ZNF529: variants seen among roughly 807,000 people sequenced by gnomAD.
ZNF529 encodes zinc finger protein 529.
Under a neutral mutation model 10.1 loss-of-function variants are expected in ZNF529, and 11 were observed. The ratio of observed to expected loss-of-function variants is 1.09; its 90% CI spans 0.69 to 1.81. ZNF529 has a LOEUF of 1.81. ZNF529 is among the 40% of genes most tolerant of loss of function. The probability of loss-of-function intolerance (pLI) is 0.00; values close to 1 mark genes in which losing one functional copy is unlikely to be tolerated. For missense variants in ZNF529, 624 were observed against 666.8 expected (o/e 0.94, Z 0.71); for synonymous variants, 204 against 215.7 (o/e 0.95, Z 0.47).
chr19:36,588,605 G>T (rs1415873200), intron 2 of ZNF529, among the ~76,000 whole-genome samples: 2 of 152,102 alleles, frequency 1.3e-5, no homozygotes, highest in Admixed American at 1.3e-4. Flanking sequence ...ATGACCCCCA[G>T]CACTGTGAAA....
rs1449754753 is a variant in ZNF529 at position 36,547,833 on chromosome 19, A to G, written c.725T>C (p.Phe242Ser). 1 of 1,610,496 alleles carries G rather than the reference A, an allele frequency of 6.2e-7. No individual in the cohort carries two copies. Among genetic ancestry groups the G allele is most frequent in the South Asian group, 1.1e-5 (1 of 90,640 alleles). The part of the protein sequence containing the change: ...YGNTCSFYKD[F>S]NVYQKIHNEK... ...ATTATGAATTTTCTGGTATACATTA[A>G]AGTCTTTATAAAAACTACATGTATT... The change falls in exon 5 of 5, where the codon TTT becomes TCT. Residue 242 changes from phenylalanine to serine, a missense_variant. Coordinates refer to ENST00000591340, the MANE Select transcript of ZNF529 (RefSeq NM_020951.5).
At chr19:36,603,218 G>C (rs189557803) in intron 1 of ZNF529, among the ~76,000 whole-genome samples, 223 of 152,240 alleles carry the variant, frequency 1.5e-3, no homozygotes, top group Admixed American at 3.9e-3. Context: ...GGTCTCCTCC[G>C]TAACAAATCA....
chr19:36,565,738 T>G (rs1021265423), intron 2 of ZNF529, among the ~76,000 whole-genome samples: 1 of 152,052 alleles, frequency 6.6e-6, no homozygotes, highest in Non-Finnish European at 1.5e-5. Flanking sequence ...TAAAGGTACC[T>G]AAATAGGCAA....
In ZNF529 at chr19:36,546,046, TGTG is replaced by T. The variant is rs1387558187; in HGVS notation, c.*817_*819del. On this transcript the variant is annotated 3_prime_UTR_variant, in exon 5 of 5. Coordinates refer to ENST00000591340, the MANE Select transcript of ZNF529 (RefSeq NM_020951.5). ...GTGTATATACTATATATACATATATTGTGTGTGTGTGTGTGTATATATATATAT... is the reference window on the plus strand; with the variant it reads ...GTGTATATACTATATATACATATATTTGTGTGTGTGTGTATATATATATAT... 8.7e-6 allele frequency: 1 copy of T among 115,228 alleles called. No homozygotes were observed. Among genetic ancestry groups the T allele is most frequent in the East Asian group, 2.3e-4 (1 of 4,396 alleles). 7.1% of individuals were successfully genotyped at this position (115,228 alleles called of 1,614,324 possible). A position where few individuals can be genotyped will look rare whatever the true frequency, so the allele number is the denominator to read the frequency against.
chr19:36,554,379 C>G (rs2035377426), intron 4 of ZNF529, among the ~76,000 whole-genome samples: 1 of 152,138 alleles, frequency 6.6e-6, no homozygotes, highest in Non-Finnish European at 1.5e-5. Flanking sequence ...GAGTTCAAGA[C>G]CAGCCTGGCC....
intron 2 of ZNF529, among the ~76,000 whole-genome samples, chr19:36,566,501 A>G (rs2035902079): frequency 6.6e-6 from 1 of 151,922 alleles, no homozygotes; most frequent in African/African-American, 2.4e-5. Context: ...CAGCTTGGCC[A>G]ACATGGTGAA....
At chr19:36,592,454 C>T (rs1394737562) in intron 1 of ZNF529, among the ~76,000 whole-genome samples, 1 of 151,398 alleles carries the variant, frequency 6.6e-6, no homozygotes, top group East Asian at 1.9e-4. Context: ...ACTAGCTGGG[C>T]ATGGTGACAC....
At chr19:36,601,428 T>C (rs2967430) in intron 1 of ZNF529, among the ~76,000 whole-genome samples, 5,904 of 152,082 alleles carry the variant, frequency 0.039, 373 homozygotes, top group African/African-American at 0.14. Flanking sequence ...TAATTACAAC[T>C]GTATTCCTAG....
intron 2 of ZNF529, among the ~76,000 whole-genome samples, chr19:36,583,178 C>G (rs1195425011): frequency 6.6e-6 from 1 of 151,962 alleles, no homozygotes; most frequent in Non-Finnish European, 1.5e-5. Context: ...CTGTCTCAGC[C>G]TCCCAAGTAG....
intron 1 of ZNF529, among the ~76,000 whole-genome samples, chr19:36,598,165 C>T (rs2036869126): frequency 6.6e-6 from 1 of 152,140 alleles, no homozygotes; most frequent in Non-Finnish European, 1.5e-5. Context: ...GGTTATGCAT[C>T]CTTATATTAG....
chr19:36,596,675 C>T (rs1046715724), intron 1 of ZNF529, among the ~76,000 whole-genome samples: 7 of 151,762 alleles, frequency 4.6e-5, no homozygotes, highest in African/African-American at 1.7e-4. Context: ...TGTCACCACA[C>T]CCAGGTAATT....
At chr19:36,603,925 A>G (rs931513240) in intron 1 of ZNF529, among the ~76,000 whole-genome samples, 4 of 152,292 alleles carry the variant, frequency 2.6e-5, no homozygotes, top group Non-Finnish European at 5.9e-5. Context: ...CACGCCTGTA[A>G]TCCCAGCACT....
Position 36,544,539 on chromosome 19 carries a change from T to C in ZNF529, c.*2327A>G, listed in dbSNP as rs2034942302. ...CCCAAAAGAGGAACATTAGCACTGA[T>C]GGTAACTCAGGATAAAAAGGGAGAA... On this transcript the variant is annotated 3_prime_UTR_variant, in exon 5 of 5. Transcript: ENST00000591340. 6.6e-6 allele frequency: 1 copy of C among 152,186 alleles called. No individual in the cohort carries two copies. The highest frequency in any genetic ancestry group is 2.4e-5 in the African/African-American group (1 of 41,436). The allele number at this position is 152,186 out of a possible 1,614,324, so 9.4% of individuals were successfully genotyped here.
At chr19:36,585,132 C>T (rs953299146) in intron 2 of ZNF529, among the ~76,000 whole-genome samples, 3 of 152,188 alleles carry the variant, frequency 2.0e-5, no homozygotes, top group Non-Finnish European at 4.4e-5. Flanking sequence ...GTGCATCGTC[C>T]TTGCCTCTCT....
At chr19:36,603,944 C>G (rs1297290888) in intron 1 of ZNF529, among the ~76,000 whole-genome samples, 1 of 152,180 alleles carries the variant, frequency 6.6e-6, no homozygotes, top group Non-Finnish European at 1.5e-5. Flanking sequence ...CTTTGGGAAG[C>G]CGAGGCGGGT....
At chr19:36,586,715 A>G (rs2036588223) in intron 2 of ZNF529, among the ~76,000 whole-genome samples, 1 of 152,158 alleles carries the variant, frequency 6.6e-6, no homozygotes, top group Non-Finnish European at 1.5e-5. Context: ...CAGTAGAGAG[A>G]TAACTCTGAT....
At chr19:36,556,336 T>G in intron 2 of ZNF529, 139 bp from the exon 3 acceptor site, 1 of 615,998 alleles carries the variant, frequency 1.6e-6, no homozygotes, top group Non-Finnish European at 2.9e-6. Context: ...CTAGACTCCG[T>G]GAACCAAACC....
At chr19:36,573,508 G>A (rs1307130799), upstream of ZNF529, 1 of 470,782 alleles carries the variant, frequency 2.1e-6, no homozygotes, top group Non-Finnish European at 4.4e-6. Context: ...GAGGCGGCTG[G>A]TGGTCCCTGA....
chr19:36,574,306 T>G (rs368638277), upstream of ZNF529, among the ~76,000 whole-genome samples: 1 of 152,172 alleles, frequency 6.6e-6, no homozygotes, highest in East Asian at 1.9e-4. Context: ...GGCAATGGGT[T>G]GAAAGAGTTA....
Sources: allele counts gnomAD v4.1 joint callset (sites outside exome capture counted in the v4.1 genomes callset), GRCh38; gene constraint gnomAD v4.1.1; transcripts MANE v1.5; gene names NCBI Gene and HGNC (gene_info 2026-07-23, HGNC 2026-07-21).